The following UBAC2 variants were observed in gnomAD, a reference collection of about 807,000 sequenced individuals.
The protein encoded by UBAC2 is UBA domain containing 2, also known as ubiquitin-associated domain-containing protein 2.
UBAC2 carries 26 observed loss-of-function variants against 44.0 expected under a neutral mutation model. That is an observed-to-expected ratio of 0.59 (90% CI 0.43 to 0.82). The LOEUF (loss-of-function observed/expected upper bound fraction) is 0.82. UBAC2 is among the 40% of genes least tolerant of loss of function. UBAC2 has a pLI of 0.00. For synonymous variants in UBAC2, 155 were observed against 154.3 expected, an observed-to-expected ratio of 1.00 and a Z score of -0.04; for missense variants, 329 against 419.4, an observed-to-expected ratio of 0.78 and a Z score of 1.88.
intron 7 of UBAC2, among the ~76,000 whole-genome samples, chr13:99,353,220 G>A (rs1236362029): frequency 6.6e-6 from 1 of 152,194 alleles, no homozygotes; most frequent in African/African-American, 2.4e-5. Flanking sequence ...ATAAAAATCT[G>A]CAAATTAAAT....
chr13:99,364,114 T>TAG (rs1566523457), intron 7 of UBAC2, among the ~76,000 whole-genome samples: 2 of 151,942 alleles, frequency 1.3e-5, no homozygotes, highest in Admixed American at 6.6e-5. Flanking sequence ...TTGTTTCTCT[T>TAG]TTTCTATCTT....
rs1270829438 is a variant in UBAC2 at position 99,385,387 on chromosome 13, G to C, written c.*52G>C. 1 of 1,450,674 alleles carries C rather than the reference G, an allele frequency of 6.9e-7. No individual in the cohort carries two copies. The highest frequency in any genetic ancestry group is 1.4e-5 in the African/African-American group (1 of 71,774). 89.9% of individuals were successfully genotyped at this position (1,450,674 alleles called of 1,614,324 possible). On this transcript the variant is annotated 3_prime_UTR_variant, in exon 9 of 9. Transcript: ENST00000403766. ...ACCGGCAGCCGAGTGACAGTGCGTG[G>C]TCCCCACCATCAGATCAGCCCGGGG...
chr13:99,296,731 G>A (rs1416387064), intron 4 of UBAC2, among the ~76,000 whole-genome samples: 1 of 152,020 alleles, frequency 6.6e-6, no homozygotes, highest in Non-Finnish European at 1.5e-5. Context: ...TCCATGTTAG[G>A]AACTGAAAGT....
chr13:99,252,212 G>T (rs1189866565), intron 4 of UBAC2, among the ~76,000 whole-genome samples: 1 of 152,240 alleles, frequency 6.6e-6, no homozygotes, highest in African/African-American at 2.4e-5. Context: ...CCTTTGGCAG[G>T]ATTAATTGTC....
At chr13:99,235,050 C>T (rs1430573000) in intron 1 of UBAC2, among the ~76,000 whole-genome samples, 1 of 152,170 alleles carries the variant, frequency 6.6e-6, no homozygotes, top group East Asian at 1.9e-4. Flanking sequence ...GGAAGAGGGG[C>T]GTGACTGCTT....
chr13:99,242,673 G>A (rs1361136871), intron 2 of UBAC2, among the ~76,000 whole-genome samples: 1 of 1,478 alleles, frequency 6.8e-4, no homozygotes, highest in Admixed American at 7.1e-3. Flanking sequence ...CGGCTGGCCG[G>A]GCGGGGGGCT....
intron 1 of UBAC2, among the ~76,000 whole-genome samples, chr13:99,229,193 AGTG>A (rs556052009): frequency 6.6e-6 from 1 of 152,222 alleles, no homozygotes; most frequent in Non-Finnish European, 1.5e-5. Context: ...TGCTCATAGT[AGTG>A]TGTGGGAACG....
chr13:99,335,879 T>G (rs2044781718), intron 6 of UBAC2, among the ~76,000 whole-genome samples: 1 of 151,948 alleles, frequency 6.6e-6, no homozygotes. Flanking sequence ...CCTCCATCCT[T>G]ACCAAAACCT....
chr13:99,288,325 G>A (rs1485535608), intron 4 of UBAC2, among the ~76,000 whole-genome samples: 1 of 152,188 alleles, frequency 6.6e-6, no homozygotes, highest in Non-Finnish European at 1.5e-5. Flanking sequence ...AAGTAACGTG[G>A]CCCCTGCTCT....
chr13:99,378,739 C>T (rs1005215021), intron 8 of UBAC2, among the ~76,000 whole-genome samples: 4 of 152,224 alleles, frequency 2.6e-5, no homozygotes, highest in African/African-American at 9.6e-5. Context: ...TGTTCTCAGT[C>T]ACTGTGTTCC....
At chr13:99,300,624 A>G (rs1208331833) in intron 4 of UBAC2, among the ~76,000 whole-genome samples, 1 of 152,222 alleles carries the variant, frequency 6.6e-6, no homozygotes, top group Non-Finnish European at 1.5e-5. Context: ...CCATTCTTTC[A>G]TTCAGCAGGA....
chr13:99,307,527 G>A (rs2044353800), intron 4 of UBAC2: 1 of 151,398 alleles, frequency 6.6e-6, no homozygotes, highest in Admixed American at 6.6e-5. Context: ...GTACGTGTGT[G>A]CACTTTGTGT....
At chr13:99,272,260 A>G (rs1213394830) in intron 4 of UBAC2, among the ~76,000 whole-genome samples, 5 of 152,146 alleles carry the variant, frequency 3.3e-5, no homozygotes, top group Non-Finnish European at 5.9e-5. Context: ...TTTGTTTCTG[A>G]TATCTGGGTT....
chr13:99,204,265 G>C (rs2042841149), intron 1 of UBAC2, among the ~76,000 whole-genome samples: 2 of 152,310 alleles, frequency 1.3e-5, no homozygotes, highest in African/African-American at 4.8e-5. Context: ...GGGGTAGGCT[G>C]GTTGTGGGGA....
rs186878511 is a variant in UBAC2 at position 99,374,271 on chromosome 13, T to G, written c.927+6365T>G. Among the ~76,000 whole-genome samples the G allele has an allele frequency of 1.6e-3, 244 of 152,314 alleles. 1 individual carries two copies. Among genetic ancestry groups the G allele is most frequent in the Middle Eastern group, 0.01 (3 of 294 alleles). ...GGGAGTTCCTTATTATGCTGACTTG[T>G]GTAGTCTGGGATCTCCTATTTTTAG... On this transcript the variant is annotated intron_variant, in intron 8 of 8. Coordinates refer to ENST00000403766, the MANE Select transcript of UBAC2 (RefSeq NM_001144072.2).
chr13:99,255,768 A>C, intron 4 of UBAC2: 3 of 1,613,978 alleles, frequency 1.9e-6, no homozygotes, highest in Non-Finnish European at 2.5e-6. Context: ...CAAATAATCC[A>C]ATTATGAAGA....
At chr13:99,372,326 G>A (rs1363193202) in intron 8 of UBAC2, 4 of 152,324 alleles carry the variant, frequency 2.6e-5, no homozygotes, top group Non-Finnish European at 5.9e-5. Context: ...GATAATGTCT[G>A]GGGAAAGAGA....
chr13:99,302,012 C>T (rs1336477738), intron 4 of UBAC2, among the ~76,000 whole-genome samples: 2 of 152,150 alleles, frequency 1.3e-5, no homozygotes, highest in African/African-American at 2.4e-5. Context: ...TCAAGTTGTG[C>T]TGAGATGATC....
chr13:99,314,335 C>T (rs2044458728), intron 5 of UBAC2, 115 bp downstream of exon 5: 2 of 1,245,980 alleles, frequency 1.6e-6, no homozygotes, highest in South Asian at 1.7e-5. Flanking sequence ...CCCCCATAAT[C>T]TTGGCTTCAT....
Sources: gnomAD v4.1 joint callset for allele counts (sites outside exome capture counted in the v4.1 genomes callset) on GRCh38, gnomAD v4.1.1 for gene constraint, MANE v1.5 for transcripts, NCBI Gene and HGNC (gene_info 2026-07-23, HGNC 2026-07-21) for gene names.